IDE: variants seen among roughly 807,000 people sequenced by gnomAD.
IDE encodes insulin-degrading enzyme.
Under a neutral mutation model 133.2 loss-of-function variants are expected in IDE, and 58 were observed. That is an observed-to-expected ratio of 0.44 (90% CI 0.35 to 0.54). The LOEUF (loss-of-function observed/expected upper bound fraction) is 0.54, where lower values mean the gene tolerates loss of function less well. Ranked by LOEUF, IDE falls within the 20% of genes least tolerant of loss-of-function variation. The probability of loss-of-function intolerance (pLI) is 0.00; values close to 1 mark genes in which losing one functional copy is unlikely to be tolerated. For synonymous variants in IDE, 396 were observed against 421.3 expected (o/e 0.94, Z 0.73); for missense variants, 981 against 1,234.0 (o/e 0.79, Z 3.07).
In IDE at chr10:92,504,886, T is replaced by C; in HGVS notation, c.1338A>G (p.Leu446=). ...AATATTCCGCTGTGAGCACCTCTTC[T>C]AGGGGATAATACTTTTAAAAAGGAA... ...KIAGILHYYP[L]EEVLTAEYLL... Residue 446 remains leucine, a synonymous_variant, in exon 11 of 25, where the codon CTA becomes CTG. Transcript: ENST00000265986. 6.7e-7 allele frequency: 1 copy of C among 1,497,660 alleles called. No individual in the cohort carries two copies. Among genetic ancestry groups the C allele is most frequent in the Non-Finnish European group, 9.1e-7 (1 of 1,093,966 alleles). The allele number at this position is 1,497,660 out of a possible 1,614,324, so 92.8% of individuals were successfully genotyped here.
chr10:92,550,586 GC>G (rs1842732188), intron 1 of IDE, among the ~76,000 whole-genome samples: 1 of 147,636 alleles, frequency 6.8e-6, no homozygotes, highest in Non-Finnish European at 1.5e-5. Context: ...AGGAGGCGGA[GC>G]TTGCAGTGAG....
chr10:92,505,401 C>T (rs1327362717), intron 10 of IDE, among the ~76,000 whole-genome samples: 4 of 152,126 alleles, frequency 2.6e-5, no homozygotes, highest in African/African-American at 9.7e-5. Flanking sequence ...GCAGAAGATG[C>T]TTTTTGGTAA....
intron 1 of IDE, among the ~76,000 whole-genome samples, chr10:92,572,393 C>G (rs1291062745): frequency 1.3e-5 from 2 of 152,188 alleles, no homozygotes; most frequent in Non-Finnish European, 2.9e-5. Flanking sequence ...TAGTGGAAAA[C>G]AGAGGAGAAC....
intron 12 of IDE, among the ~76,000 whole-genome samples, chr10:92,489,504 G>A (rs1847219696): frequency 6.6e-6 from 1 of 152,008 alleles, no homozygotes; most frequent in Admixed American, 6.6e-5. Context: ...CTCCAGCATG[G>A]TGACACAGCG....
chr10:92,545,114 T>C (rs1043838560), intron 1 of IDE, among the ~76,000 whole-genome samples: 6 of 152,162 alleles, frequency 3.9e-5, no homozygotes, highest in African/African-American at 1.4e-4. Flanking sequence ...ATAGAAACTA[T>C]GGTAATTATC....
At chr10:92,557,253 T>C (rs1007495091) in intron 1 of IDE, among the ~76,000 whole-genome samples, 19 of 152,206 alleles carry the variant, frequency 1.2e-4, no homozygotes, top group Non-Finnish European at 2.1e-4. Context: ...TACAGATTAA[T>C]GGGCCAGGCA....
chr10:92,501,186 T>G (rs1847985592), intron 11 of IDE, among the ~76,000 whole-genome samples: 1 of 145,824 alleles, frequency 6.9e-6, no homozygotes, highest in African/African-American at 2.6e-5. Context: ...ATAGTGAGAC[T>G]CTCTCTCTAC....
Position 92,547,437 on chromosome 10 carries a change from A to G in IDE, c.99-9887T>C, listed in dbSNP as rs1423127652. On this transcript the variant is annotated intron_variant, in intron 1 of 24. Coordinates refer to ENST00000265986, the MANE Select transcript of IDE (RefSeq NM_004969.4). ...GGCTGGGAAGAGTTATCGACCTGTA[A>G]GTAATTCTCTCAAGATAGCCTTCTA... Among the ~76,000 whole-genome samples, 3 of 152,264 alleles carry G rather than the reference A, an allele frequency of 2.0e-5. No homozygotes were observed. The East Asian group carries it at 5.8e-4, about 29-fold the overall frequency.
rs772624145 is a variant in IDE at position 92,537,384 on chromosome 10, C to A, written c.265G>T (p.Ala89Ser). The A allele has an allele frequency of 5.0e-6, 8 of 1,604,726 alleles. No homozygotes were observed. The South Asian group carries it at 9.1e-5, about 18-fold the overall frequency. The change falls in exon 2 of 25, where the codon GCA (alanine) becomes TCA (serine). Residue 89 changes from alanine to serine, a missense_variant. Physicochemically the swap from Ala to Ser is moderately conservative, Grantham distance 99. Around this residue, in one of 2 missense-constraint regions of IDE, gnomAD observed 321 missense variants for 339.3 expected, o/e 0.95. Transcript: ENST00000265986. ...ATTGTACCTATGTGCACATCAAGTG[C>A]TGCTGATGACTTATCCGTGGTGGGA... ...SDPTTDKSSA[A>S]LDVHIGSLSD... is the part of the protein sequence containing the mutation.
intron 1 of IDE, among the ~76,000 whole-genome samples, chr10:92,548,561 T>G (rs2135746163): frequency 6.6e-6 from 1 of 152,200 alleles, no homozygotes. Context: ...TTGATTATTA[T>G]AAAATCATCA....
chr10:92,516,911 T>C (rs1564641500), intron 4 of IDE, among the ~76,000 whole-genome samples: 1 of 152,204 alleles, frequency 6.6e-6, no homozygotes, highest in African/African-American at 2.4e-5. Context: ...CTCTAAATAA[T>C]ACCTTGCAAA....
Position 92,465,691 on chromosome 10 carries a change from T to C in IDE, c.2473A>G (p.Thr825Ala). 6.2e-7 allele frequency: 1 copy of C among 1,613,156 alleles called. No individual in the cohort carries two copies. The highest frequency in any genetic ancestry group is 2.2e-5 in the East Asian group (1 of 44,840). Residue 825 changes from threonine (T) to alanine (A), a missense_variant, in exon 20 of 25, where the codon ACC (threonine) becomes GCC (alanine). Around this residue, in one of 2 missense-constraint regions of IDE, gnomAD observed 660 missense variants for 894.7 expected, o/e 0.74. Coordinates refer to ENST00000265986, the MANE Select transcript of IDE (RefSeq NM_004969.4). ...TTCCTCTCACCCAACTGCTCCTTGGTGCGCAGGGTGTTGAAGCAAGGTTCC... is the reference window on the plus strand; with the variant it reads ...TTCCTCTCACCCAACTGCTCCTTGGCGCGCAGGGTGTTGAAGCAAGGTTCC... ...ISEPCFNTLR[T>A]KEQLGYIVFS...
intron 17 of IDE, among the ~76,000 whole-genome samples, chr10:92,473,449 A>C (rs1846084262): frequency 6.6e-6 from 1 of 151,878 alleles, no homozygotes; most frequent in Non-Finnish European, 1.5e-5. Flanking sequence ...CTAGATACTA[A>C]GTAAAGGGGT....
chr10:92,573,759 C>G (rs1349925421), intron 1 of IDE, among the ~76,000 whole-genome samples, 163 bp downstream of exon 1: 1 of 152,256 alleles, frequency 6.6e-6, no homozygotes, highest in Non-Finnish European at 1.5e-5. Context: ...CTTCCGGGCC[C>G]TGGGGCGGCC....
chr10:92,556,544 G>A (rs1843019668), intron 1 of IDE, among the ~76,000 whole-genome samples: 1 of 152,062 alleles, frequency 6.6e-6, no homozygotes. Flanking sequence ...GATCACCTGA[G>A]GTCAGGAGTT....
rs1183099561 is a variant in IDE, at chr10:92,474,915, T to C, written c.2042A>G (p.His681Arg). Reference sequence around the variant, plus strand: ...CAGCAAGCGGAGGTAGTACATGGCATGCTGGTGAGGCTGTTCAGCCCGGAA... The same window carrying C: ...CAGCAAGCGGAGGTAGTACATGGCACGCTGGTGAGGCTGTTCAGCCCGGAA... ...NNFRAEQPHQ[H>R]AMYYLRLLMT... The change falls in exon 17 of 25, where the codon CAT becomes CGT. Residue 681 changes from histidine (H) to arginine (R), a missense_variant. Physicochemically the swap from His to Arg is conservative, Grantham distance 29. This residue lies in a region of IDE where 660 missense variants were observed against 894.7 expected (regional missense o/e 0.74). Transcript: ENST00000265986. 8 of 1,613,620 alleles carry C rather than the reference T, an allele frequency of 5.0e-6. No homozygotes were observed. The highest frequency in any genetic ancestry group is 6.8e-6 in the Non-Finnish European group (8 of 1,179,558).
intron 1 of IDE, among the ~76,000 whole-genome samples, chr10:92,544,803 T>C (rs1842468997): frequency 6.6e-6 from 1 of 152,186 alleles, no homozygotes; most frequent in African/African-American, 2.4e-5. Flanking sequence ...AGGAATCCCT[T>C]AGCTAAGAAC....
intron 1 of IDE, among the ~76,000 whole-genome samples, chr10:92,554,238 C>T (rs114952098): frequency 0.035 from 5,375 of 152,246 alleles, 360 homozygotes; most frequent in African/African-American, 0.12. Context: ...GGGGGAACAA[C>T]CCCACACAAT....
At chr10:92,545,890 T>C (rs925507778) in intron 1 of IDE, among the ~76,000 whole-genome samples, 2 of 152,210 alleles carry the variant, frequency 1.3e-5, no homozygotes, top group Admixed American at 6.5e-5. Context: ...ACTGGCACTA[T>C]ACACTAAAGC....
Sources: allele counts gnomAD v4.1 joint callset (sites outside exome capture counted in the v4.1 genomes callset), GRCh38; gene constraint gnomAD v4.1.1; regional missense constraint gnomAD v4.1.1; transcripts MANE v1.5; gene names NCBI Gene and HGNC (gene_info 2026-07-23, HGNC 2026-07-21).